The following PAPPA2 variants were observed in gnomAD, a reference collection of about 807,000 sequenced individuals.
The protein encoded by PAPPA2 is pappalysin 2.
A neutral mutation model predicts 176.4 loss-of-function variants in PAPPA2; 86 were observed. The observed-to-expected ratio is 0.49, with a 90% CI of 0.41 to 0.58. PAPPA2 has a LOEUF of 0.58. Among genes scored for constraint, PAPPA2 ranks in the 20% least tolerant of loss-of-function variants. The pLI is 0.00. For synonymous variants in PAPPA2, 809 were observed against 852.2 expected (o/e 0.95, Z 0.88); for missense variants, 2,073 against 2,256.9 (o/e 0.92, Z 1.65).
chr1:176,602,744 A>G (rs1249311877), intron 3 of PAPPA2, among the ~76,000 whole-genome samples: 1 of 152,188 alleles, frequency 6.6e-6, no homozygotes, highest in Non-Finnish European at 1.5e-5. Flanking sequence ...CCTCACTTCA[A>G]AATTCACAGG....
intron 3 of PAPPA2, among the ~76,000 whole-genome samples, chr1:176,599,202 TACACAC>T (rs905488463): frequency 1.5e-5 from 2 of 136,508 alleles, no homozygotes; most frequent in East Asian, 2.0e-4. Flanking sequence ...TATATATATA[TACACAC>T]ACACACACAC....
At chr1:176,475,368 G>A (rs1652065677) in intron 1 of PAPPA2, among the ~76,000 whole-genome samples, 1 of 152,188 alleles carries the variant, frequency 6.6e-6, no homozygotes, top group African/African-American at 2.4e-5. Flanking sequence ...TTAATGGAGT[G>A]TTACTGAAAA....
At chr1:176,806,776 A>G (rs1220023769) in intron 21 of PAPPA2, among the ~76,000 whole-genome samples, 2 of 152,172 alleles carry the variant, frequency 1.3e-5, no homozygotes, top group African/African-American at 4.8e-5. Context: ...TGGTTGTGCT[A>G]ATTTTTCAGG....
At chr1:176,713,759 G>C (rs1661245834) in intron 12 of PAPPA2, among the ~76,000 whole-genome samples, 1 of 152,166 alleles carries the variant, frequency 6.6e-6, no homozygotes, top group South Asian at 2.1e-4. Flanking sequence ...AATTAACTGA[G>C]ATCCTCCAAA....
At chr1:176,623,656 T>TTTCTTTCTTTCTTTCTTTCTTTCTTTCC (rs1558479219) in intron 3 of PAPPA2, among the ~76,000 whole-genome samples, 15 of 128,934 alleles carry the variant, frequency 1.2e-4, no homozygotes, top group Non-Finnish European at 2.4e-4. Flanking sequence ...TCTTTCTTTC[T>TTTCTTTCTTTCTTTCTTTCTTTCTTTCC]TTCTTTCTTT....
chr1:176,465,502 C>T (rs570919360), intron 1 of PAPPA2, among the ~76,000 whole-genome samples: 7 of 152,258 alleles, frequency 4.6e-5, no homozygotes, highest in Non-Finnish European at 1.0e-4. Flanking sequence ...TTATTGGGCA[C>T]ATATATCACC....
chr1:176,597,832 A>G (rs1340840093), intron 3 of PAPPA2, among the ~76,000 whole-genome samples: 1 of 152,212 alleles, frequency 6.6e-6, no homozygotes, highest in African/African-American at 2.4e-5. Context: ...CCTAGTTTAT[A>G]GTAATAACCC....
intron 3 of PAPPA2, among the ~76,000 whole-genome samples, chr1:176,634,794 G>GGAGA (rs375139141): frequency 0.02 from 2,425 of 123,156 alleles, 73 homozygotes; most frequent in African/African-American, 0.062. Flanking sequence ...AAATTTCCAA[G>GGAGA]GAGAGAGATA....
At chr1:176,561,258 A>G (rs1218251596) in intron 2 of PAPPA2, among the ~76,000 whole-genome samples, 1 of 152,248 alleles carries the variant, frequency 6.6e-6, no homozygotes, top group Non-Finnish European at 1.5e-5. Context: ...CCAAAAAATG[A>G]AAAATAAGAC....
intron 16 of PAPPA2, among the ~76,000 whole-genome samples, chr1:176,770,229 T>G (rs1664162442): frequency 6.6e-6 from 1 of 152,176 alleles, no homozygotes; most frequent in Non-Finnish European, 1.5e-5. Context: ...CTTCTCAGAC[T>G]TTGGTGTGCC....
chr1:176,824,902 G>C (rs1432080920), intron 21 of PAPPA2, among the ~76,000 whole-genome samples: 1 of 152,174 alleles, frequency 6.6e-6, no homozygotes, highest in Non-Finnish European at 1.5e-5. Flanking sequence ...AATGGTCTCT[G>C]GCTTTAGAAC....
At chr1:176,489,258 G>C in intron 1 of PAPPA2, among the ~76,000 whole-genome samples, 1 of 152,116 alleles carries the variant, frequency 6.6e-6, no homozygotes, top group East Asian at 1.9e-4. Context: ...TTGTGGCCTG[G>C]TTAATTGATT....
intron 18 of PAPPA2, 107 bp downstream of exon 18, chr1:176,790,084 G>A (rs1224848019): frequency 3.1e-6 from 4 of 1,298,960 alleles, no homozygotes; most frequent in Non-Finnish European, 4.3e-6. Context: ...AACAGGCAGG[G>A]ACTTGGGATT....
intron 14 of PAPPA2, among the ~76,000 whole-genome samples, chr1:176,744,712 T>C (rs1172614514): frequency 6.6e-6 from 1 of 152,180 alleles, no homozygotes; most frequent in Admixed American, 6.5e-5. Flanking sequence ...ATGATCTGTT[T>C]TTTTCTTTTA....
chr1:176,533,934 A>C (rs916755992), intron 1 of PAPPA2, among the ~76,000 whole-genome samples: 5 of 152,234 alleles, frequency 3.3e-5, no homozygotes, highest in Non-Finnish European at 5.9e-5. Flanking sequence ...TAAAATACAC[A>C]CCAGATTTTG....
At chr1:176,534,650 A>C (rs983984586) in intron 1 of PAPPA2, among the ~76,000 whole-genome samples, 1 of 152,350 alleles carries the variant, frequency 6.6e-6, no homozygotes, top group Non-Finnish European at 1.5e-5. Context: ...GGCTAGTCTG[A>C]ATGGAGTATA....
chr1:176,611,768 C>T (rs891950932), intron 3 of PAPPA2, among the ~76,000 whole-genome samples: 19 of 152,040 alleles, frequency 1.2e-4, no homozygotes, highest in African/African-American at 4.6e-4. Context: ...TTATTGTGGC[C>T]AATATTATAA....
chr1:176,627,876 G>T (rs1022164353), intron 3 of PAPPA2, among the ~76,000 whole-genome samples: 4 of 152,306 alleles, frequency 2.6e-5, no homozygotes, highest in Admixed American at 6.5e-5. Context: ...GCTCTTCTCA[G>T]TTCCACTTCC....
chr1:176,670,969 G>A lies in PAPPA2; in HGVS notation c.1992-1G>A. ...ATTTTTTCATCTTGCATGCTCTCTA[G>A]GGCATACATGAGTGTGAAGGAGCTG... On this transcript the variant is annotated splice_acceptor_variant, in intron 3 of 22. Transcript: ENST00000367662. LOFTEE classifies it high-confidence loss of function. 1 of 1,613,604 alleles carries A rather than the reference G, an allele frequency of 6.2e-7. No homozygotes were observed.
Sources: gnomAD v4.1 joint callset for allele counts (sites outside exome capture counted in the v4.1 genomes callset) on GRCh38, gnomAD v4.1.1 for gene constraint, MANE v1.5 for transcripts, NCBI Gene and HGNC (gene_info 2026-07-23, HGNC 2026-07-21) for gene names.